CYB5B: variants seen among roughly 807,000 people sequenced by gnomAD.
CYB5B encodes cytochrome b5 type B (outer mitochondrial membrane).
In CYB5B, 14 loss-of-function variants were observed where a neutral mutation model predicts 21.3. That is an observed-to-expected ratio of 0.66 (90% CI 0.43 to 1.03). The LOEUF is 1.03. Ranked by LOEUF, CYB5B falls within the 50% of genes least tolerant of loss-of-function variation. CYB5B has a pLI of 0.00. For missense variants in CYB5B, 166 were observed against 185.1 expected (o/e 0.90, Z 0.60); for synonymous variants, 69 against 68.4 (o/e 1.01, Z -0.04).
intron 1 of CYB5B, among the ~76,000 whole-genome samples, chr16:69,442,926 T>C (rs2014839805): frequency 6.6e-6 from 1 of 151,840 alleles, no homozygotes. Context: ...TTTTTACTAC[T>C]TGGTCTTCAA....
intron 1 of CYB5B, among the ~76,000 whole-genome samples, chr16:69,433,138 A>T (rs923684348): frequency 6.6e-6 from 1 of 152,162 alleles, no homozygotes; most frequent in Admixed American, 6.5e-5. Context: ...ATCTGCCTCA[A>T]TGTTTTTCAT....
At chr16:69,454,933 G>A (rs564450323) in intron 3 of CYB5B, among the ~76,000 whole-genome samples, 1 of 152,250 alleles carries the variant, frequency 6.6e-6, no homozygotes, top group African/African-American at 2.4e-5. Context: ...TCACTCTGTT[G>A]CCCAGGCTGG....
rs1019423469 is a variant in CYB5B, at chr16:69,444,918, G to A, written c.175-2232G>A. ...TTCTTTTTTCCAAATTTACCACAGC[G>A]AATATATAACTTTTACTTAATATTT... On this transcript the variant is annotated intron_variant, in intron 1 of 4. Coordinates refer to ENST00000307892, the MANE Select transcript of CYB5B (RefSeq NM_030579.3). Among the ~76,000 whole-genome samples the A allele has an allele frequency of 3.0e-4, 46 of 152,210 alleles. 1 individual carries two copies. The highest frequency in any genetic ancestry group is 1.0e-3 in the African/African-American group (43 of 41,536).
Position 69,462,437 on chromosome 16 carries a change from G to T in CYB5B, c.370G>T (p.Ala124Ser). The change falls in exon 5 of 5, where the codon GCA becomes TCA. Residue 124 changes from alanine to serine, a missense_variant. By Grantham distance (99) the Ala-to-Ser change is moderately conservative. Transcript: ENST00000307892. The part of the protein sequence containing the change: ...SKNDTCKSCW[A>S]YWILPIIGAV... ...TTCTCCCCCTATTCCTAGTTGCTGG[G>T]CATATTGGATTTTACCCATCATAGG... 6.2e-7 allele frequency: 1 copy of T among 1,613,298 alleles called. No individual in the cohort carries two copies. Among genetic ancestry groups the T allele is most frequent in the South Asian group, 1.1e-5 (1 of 91,060 alleles).
chr16:69,451,776 C>A (rs1411934969), intron 3 of CYB5B, among the ~76,000 whole-genome samples: 1 of 151,580 alleles, frequency 6.6e-6, no homozygotes, highest in African/African-American at 2.4e-5. Context: ...ATGGTGAAAC[C>A]CCGTCTCTAC....
At chr16:69,440,784 A>G (rs901726567) in intron 1 of CYB5B, among the ~76,000 whole-genome samples, 9 of 107,920 alleles carry the variant, frequency 8.3e-5, no homozygotes, top group Admixed American at 1.7e-4. Flanking sequence ...ACATATATCT[A>G]TTACACATTT....
chr16:69,451,166 T>C (rs2014927288), intron 3 of CYB5B, among the ~76,000 whole-genome samples: 1 of 152,236 alleles, frequency 6.6e-6, no homozygotes. Context: ...CCATTTGTCT[T>C]TGTGAATCTC....
rs373526039 is a variant in CYB5B, at chr16:69,424,653, G to T, written c.-31G>T. On this transcript the variant is annotated 5_prime_UTR_variant, in exon 1 of 5. Transcript: ENST00000307892. ...GCGCGGGCTCTCAAGGAAAGTAGTC[G>T]CGGAATCTCAGTTAGCGGTGGAGAG... 12 of 1,505,836 alleles carry T rather than the reference G, an allele frequency of 8.0e-6. No individual in the cohort carries two copies. The African/African-American group carries it at 1.6e-4, about 20-fold the overall frequency. The allele number at this position is 1,505,836 out of a possible 1,614,324, so 93.3% of individuals were successfully genotyped here.
Position 69,462,546 on chromosome 16 carries a change from G to A in CYB5B, c.*26G>A, listed in dbSNP as rs2015045929. The A allele has an allele frequency of 4.4e-6, 7 of 1,599,426 alleles. No individual in the cohort carries two copies. Among genetic ancestry groups the A allele is most frequent in the Non-Finnish European group, 8.6e-7 (1 of 1,167,356 alleles). Reference sequence around the variant, plus strand: ...GGAGGCCTTGCTGAAGTTAGAAAGTGCATCCACTTTGGGGCGAAAACTAGA... The same window carrying A: ...GGAGGCCTTGCTGAAGTTAGAAAGTACATCCACTTTGGGGCGAAAACTAGA... On this transcript the variant is annotated 3_prime_UTR_variant, in exon 5 of 5. Transcript: ENST00000307892.
rs1437318022 is a variant in CYB5B, at chr16:69,437,564, T to TTATAGATATATAATTAATATATATATATA, written c.175-9573_175-9572insTTAATATATATATATATATAGATATATAA. On this transcript the variant is annotated intron_variant, in intron 1 of 4. Coordinates refer to ENST00000307892, the MANE Select transcript of CYB5B (RefSeq NM_030579.3). ...AAAGCACATTTTTAGTTTATATTAA[T>TTATAGATATATAATTAATATATATATATA]TATAGATATATAAACCTAACTTTAC... Among the ~76,000 whole-genome samples the TTATAGATATATAATTAATATATATATATA allele has an allele frequency of 2.5e-4, 38 of 152,318 alleles. No homozygotes were observed. The South Asian group carries it at 2.7e-3, about 11-fold the overall frequency.
At chr16:69,426,193 A>G (rs2014644401) in intron 1 of CYB5B, among the ~76,000 whole-genome samples, 1 of 148,574 alleles carries the variant, frequency 6.7e-6, no homozygotes, top group Admixed American at 6.7e-5. Flanking sequence ...ACGTCAGGAG[A>G]TCGAGACCGT....
chr16:69,455,715 T>C (rs1389750860), intron 3 of CYB5B, among the ~76,000 whole-genome samples: 1 of 152,038 alleles, frequency 6.6e-6, no homozygotes, highest in African/African-American at 2.4e-5. Flanking sequence ...GACTGGCCTT[T>C]TTGTCATTCT....
chr16:69,426,096 T>C (rs2014642867), intron 1 of CYB5B, among the ~76,000 whole-genome samples: 1 of 152,188 alleles, frequency 6.6e-6, no homozygotes, highest in Non-Finnish European at 1.5e-5. Flanking sequence ...TATGGCATTT[T>C]ATGCTTTTAA....
intron 1 of CYB5B, among the ~76,000 whole-genome samples, chr16:69,430,706 T>A (rs774966504): frequency 1.1e-4 from 17 of 150,356 alleles, no homozygotes; most frequent in Non-Finnish European, 1.8e-4. Context: ...AGAGTTTCAC[T>A]CTTGTCGCCC....
intron 1 of CYB5B, among the ~76,000 whole-genome samples, chr16:69,429,348 C>T (rs555695330): frequency 1.7e-4 from 26 of 152,226 alleles, no homozygotes; most frequent in East Asian, 1.2e-3. Flanking sequence ...TATTTGTCCC[C>T]GCCCACATCC....
intron 3 of CYB5B, chr16:69,448,414 G>T (rs1597284561): frequency 7.0e-6 from 3 of 427,484 alleles, no homozygotes; most frequent in East Asian, 8.6e-5. Context: ...GGTTTTGAAA[G>T]AAATTAGTTT....
chr16:69,432,575 A>G (rs1222835037), intron 1 of CYB5B, among the ~76,000 whole-genome samples: 1 of 152,210 alleles, frequency 6.6e-6, no homozygotes, highest in Admixed American at 6.5e-5. Context: ...ATATATACAG[A>G]AATAGAGTCA....
intron 1 of CYB5B, among the ~76,000 whole-genome samples, chr16:69,436,782 A>G (rs2014764392): frequency 6.6e-6 from 1 of 152,130 alleles, no homozygotes; most frequent in Non-Finnish European, 1.5e-5. Context: ...TTACATCACT[A>G]TGGAATTTCC....
intron 3 of CYB5B, among the ~76,000 whole-genome samples, chr16:69,456,442 TATA>T (rs1413593638): frequency 6.6e-6 from 1 of 152,244 alleles, no homozygotes; most frequent in Non-Finnish European, 1.5e-5. Context: ...TTTTAGAACC[TATA>T]ATACCAAAAC....
Sources: gnomAD v4.1 joint callset for allele counts (sites outside exome capture counted in the v4.1 genomes callset) on GRCh38, gnomAD v4.1.1 for gene constraint, MANE v1.5 for transcripts, NCBI Gene and HGNC (gene_info 2026-07-23, HGNC 2026-07-21) for gene names.